Variants in SLC25A37 observed in about 807,000 individuals in gnomAD.
SLC25A37 encodes the protein solute carrier family 25 member 37, also known as mitoferrin-1.
SLC25A37 carries 17 observed loss-of-function variants against 31.0 expected under a neutral mutation model. That is an observed-to-expected ratio of 0.55 (90% confidence interval 0.38 to 0.82). The LOEUF is 0.82. Ranked by LOEUF, SLC25A37 falls within the 40% of genes least tolerant of loss-of-function variation. SLC25A37 has a pLI of 0.00. For synonymous variants in SLC25A37, 222 were observed against 193.0 expected, an observed-to-expected ratio of 1.15 and a Z score of -1.24; for missense variants, 404 against 465.8, an observed-to-expected ratio of 0.87 and a Z score of 1.22.
chr8:23,564,861 CTCTG>C (rs3834377), intron 1 of SLC25A37, among the ~76,000 whole-genome samples: 4,361 of 152,074 alleles, frequency 0.029, 155 homozygotes, highest in African/African-American at 0.075. Context: ...ACCTACCTGT[CTCTG>C]TCTGTCTGTC....
intron 1 of SLC25A37, among the ~76,000 whole-genome samples, chr8:23,553,821 G>T (rs1802293042): frequency 6.6e-6 from 1 of 152,196 alleles, no homozygotes; most frequent in African/African-American, 2.4e-5. Flanking sequence ...CAGGGCTGTT[G>T]ACTTTGCCTG....
In SLC25A37 at chr8:23,571,979, A is replaced by G. The variant is rs368628965; in HGVS notation, c.*124A>G. The G allele has an allele frequency of 4.3e-4, 470 of 1,088,090 alleles. No individual in the cohort carries two copies. In the African/African-American group the frequency reaches 5.2e-3, roughly 12 times the overall value. The allele number at this position is 1,088,090 out of a possible 1,614,324, so 67.4% of individuals were successfully genotyped here. On this transcript the variant is annotated 3_prime_UTR_variant, in exon 4 of 4. Transcript: ENST00000519973. ...CTGCCTATGGGCCCTCTGCTCCCCAATGCCTTAGAGAGAGGAGGGGACGGC... is the reference window on the plus strand; with the variant it reads ...CTGCCTATGGGCCCTCTGCTCCCCAGTGCCTTAGAGAGAGGAGGGGACGGC...
chr8:23,542,974 T>C (rs1413811804), intron 1 of SLC25A37: 4 of 152,418 alleles, frequency 2.6e-5, no homozygotes, highest in African/African-American at 9.6e-5. Flanking sequence ...TGTTTTGTGT[T>C]TTAAGCCAAG....
At position 23,571,934 on chromosome 8, in the gene SLC25A37, CAT is replaced by C. The variant is rs1491169046; in HGVS notation, c.*80_*81del. On this transcript the variant is annotated 3_prime_UTR_variant, in exon 4 of 4. Coordinates refer to ENST00000519973, the MANE Select transcript of SLC25A37 (RefSeq NM_016612.4). ...CCTTGCCCTCTCCTCACACGTAGAT[CAT>C]TTTTTTTTTGCAGGGTGCTGCCTAT... 4 of 1,352,996 alleles carry C rather than the reference CAT, an allele frequency of 3.0e-6. No homozygotes were observed. In the African/African-American group the frequency reaches 6.9e-5, roughly 24 times the overall value. The allele number at this position is 1,352,996 out of a possible 1,614,324, so 83.8% of individuals were successfully genotyped here.
rs1336475115 is a variant in SLC25A37, at chr8:23,529,009, C to G, written c.7C>G (p.Leu3Val). Residue 3 changes from leucine to valine, a missense_variant, in exon 1 of 4, where the codon CTG (leucine) becomes GTG (valine). Leu to Val is a conservative substitution (Grantham distance 32). This residue lies in a region of SLC25A37 where 154 missense variants were observed against 153.6 expected (regional missense o/e 1.00). Transcript: ENST00000519973. This position sits in a 1 kb window ranked among gnomAD's most constrained non-coding sequence, Gnocchi z 4.1. ...CGCCCCGCCGAGCTGGCGGATGGAG[C>G]TGCGCAGCGGGAGCGTGGGCAGCCA... ME[L>V]RSGSVGSQAV... The G allele has an allele frequency of 2.6e-6, 4 of 1,523,860 alleles. No homozygotes were observed. The highest frequency in any genetic ancestry group is 1.4e-5 in the African/African-American group (1 of 71,132). The allele number at this position is 1,523,860 out of a possible 1,614,324, so 94.4% of individuals were successfully genotyped here. A position where few individuals can be genotyped will look rare whatever the true frequency, so the allele number is the denominator to read the frequency against.
rs961540559 is a variant in SLC25A37, at chr8:23,573,857, C to T, written c.*2002C>T. 2.2e-6 allele frequency: 1 copy of T among 456,724 alleles called. No individual in the cohort carries two copies. Among genetic ancestry groups the T allele is most frequent in the South Asian group, 1.5e-5 (1 of 64,572 alleles). 28.3% of individuals were successfully genotyped at this position (456,724 alleles called of 1,614,324 possible). The stretch of plus-strand genomic sequence containing the variant: ...TCCCCAAAACCAGTTGCAGCCTCAA[C>T]CCACATGGGGATGTAGAAAGCCGTA... On this transcript the variant is annotated 3_prime_UTR_variant, in exon 4 of 4. Coordinates refer to ENST00000519973, the MANE Select transcript of SLC25A37 (RefSeq NM_016612.4).
intron 3 of SLC25A37, among the ~76,000 whole-genome samples, chr8:23,569,389 A>G (rs1222949136): frequency 7.3e-6 from 1 of 136,874 alleles, no homozygotes; most frequent in Non-Finnish European, 1.6e-5. Flanking sequence ...CTATTCTAAA[A>G]CCTATGTGTG....
intron 1 of SLC25A37, chr8:23,543,232 A>G (rs970039452): frequency 2.6e-5 from 4 of 151,900 alleles, no homozygotes; most frequent in African/African-American, 9.7e-5. Context: ...CCACACAGCT[A>G]ATTTTTAAAT....
chr8:23,538,163 C>A (rs1801809771), intron 1 of SLC25A37, among the ~76,000 whole-genome samples: 1 of 151,602 alleles, frequency 6.6e-6, no homozygotes, highest in Non-Finnish European at 1.5e-5. Flanking sequence ...GGCAGATCAC[C>A]TGAGGTCAGG....
Position 23,572,731 on chromosome 8 carries a change from T to TAC in SLC25A37, c.*883_*884dup, listed in dbSNP as rs1358862731. 1.3e-5 allele frequency: 2 copies of TAC among 152,132 alleles called. No homozygotes were observed. Among genetic ancestry groups the TAC allele is most frequent in the African/African-American group, 2.4e-5 (1 of 41,406 alleles). 9.4% of individuals were successfully genotyped at this position (152,132 alleles called of 1,614,324 possible). A position where few individuals can be genotyped will look rare whatever the true frequency, so the allele number is the denominator to read the frequency against. On this transcript the variant is annotated 3_prime_UTR_variant, in exon 4 of 4. Coordinates refer to ENST00000519973, the MANE Select transcript of SLC25A37 (RefSeq NM_016612.4). Reference sequence around the variant, plus strand: ...CCCTGGCCTATTTTCTCTTGCTGTGTACACACACGCACACATGCTGGGTGG... The same window carrying TAC: ...CCCTGGCCTATTTTCTCTTGCTGTGTACACACACACGCACACATGCTGGGTGG...
chr8:23,566,714 T>TC (rs1802670480), intron 2 of SLC25A37: 1 of 985,000 alleles, frequency 1.0e-6, no homozygotes, highest in Non-Finnish European at 1.2e-6. Context: ...AATGCTGGAT[T>TC]CAAAAAAAAA....
At chr8:23,548,863 G>A (rs1802145578) in intron 1 of SLC25A37, among the ~76,000 whole-genome samples, 1 of 152,104 alleles carries the variant, frequency 6.6e-6, no homozygotes, top group African/African-American at 2.4e-5. Context: ...GCCCAGCATG[G>A]GCTGTATGTC....
rs1801699881 is a variant in SLC25A37 at position 23,533,386 on chromosome 8, G to A, written c.210+4174G>A. ...GCTGCTTTGCTTAAACTATACAGGG[G>A]TGTGCACCTGGGGTGGGGGATGTGC... On this transcript the variant is annotated intron_variant, in intron 1 of 3. Transcript: ENST00000519973. Among the ~76,000 whole-genome samples the A allele has an allele frequency of 3.9e-5, 6 of 152,304 alleles. No homozygotes were observed. In the South Asian group the frequency reaches 1.2e-3, roughly 32 times the overall value.
chr8:23,546,528 GGT>G (rs373417540), intron 1 of SLC25A37, among the ~76,000 whole-genome samples: 8,038 of 77,978 alleles, frequency 0.1, 607 homozygotes, highest in African/African-American at 0.2. Flanking sequence ...TATATATATA[GGT>G]GTATATATAT....
At chr8:23,559,336 G>T (rs1025633953) in intron 1 of SLC25A37, among the ~76,000 whole-genome samples, 3 of 137,036 alleles carry the variant, frequency 2.2e-5, no homozygotes, top group African/African-American at 7.9e-5. Context: ...TCTGTCTCCG[G>T]TTGTGTGTGT....
Position 23,571,429 on chromosome 8 carries a change from C to T in SLC25A37, c.591C>T (p.Phe197=), listed in dbSNP as rs1417404070. 1 of 1,613,904 alleles carries T rather than the reference C, an allele frequency of 6.2e-7. No individual in the cohort carries two copies. Among genetic ancestry groups the T allele is most frequent in the Admixed American group, 1.7e-5 (1 of 60,008 alleles). ...TVWRTEGLGA[F]YRSYTTQLTM... ...GGAGGACCGAGGGGTTGGGGGCCTT[C>T]TACCGGAGCTACACCACGCAGCTGA... The change falls in exon 4 of 4, where the codon TTC becomes TTT. Residue 197 remains phenylalanine, a synonymous_variant. Coordinates refer to ENST00000519973, the MANE Select transcript of SLC25A37 (RefSeq NM_016612.4).
chr8:23,549,035 C>T (rs1802150973), intron 1 of SLC25A37, among the ~76,000 whole-genome samples: 1 of 152,158 alleles, frequency 6.6e-6, no homozygotes, highest in Admixed American at 6.5e-5. Context: ...GCCCTCATTG[C>T]ACCTTCTACT....
intron 1 of SLC25A37, among the ~76,000 whole-genome samples, chr8:23,540,011 T>C (rs1327181330): frequency 6.6e-6 from 1 of 152,264 alleles, no homozygotes; most frequent in Non-Finnish European, 1.5e-5. Context: ...TATCAGCTCC[T>C]CTTGTTATTT....
At chr8:23,564,517 G>T (rs1802599540) in intron 1 of SLC25A37, among the ~76,000 whole-genome samples, 1 of 151,570 alleles carries the variant, frequency 6.6e-6, no homozygotes, top group Non-Finnish European at 1.5e-5. Context: ...AGGGTGGGAG[G>T]AAGGAAAGGA....
Sources: gnomAD v4.1 joint callset for allele counts (sites outside exome capture counted in the v4.1 genomes callset) on GRCh38, gnomAD v4.1.1 for gene constraint, gnomAD v4.1.1 regional missense constraint, Gnocchi (gnomAD v3.1) non-coding constraint, MANE v1.5 for transcripts, NCBI Gene and HGNC (gene_info 2026-07-23, HGNC 2026-07-21) for gene names.